The following SPAG16 variants were observed in gnomAD, a reference collection of about 807,000 sequenced individuals.
The protein encoded by SPAG16 is sperm-associated antigen 16 protein.
SPAG16 carries 86 observed loss-of-function variants against 80.4 expected under a neutral mutation model. That is an observed-to-expected ratio of 1.07 (90% CI 0.90 to 1.28). The LOEUF is 1.28. SPAG16 is among the 50% of genes most tolerant of loss of function. The pLI is 0.00. For synonymous variants in SPAG16, 294 were observed against 265.9 expected, an observed-to-expected ratio of 1.11 and a Z score of -1.03; for missense variants, 870 against 765.3, an observed-to-expected ratio of 1.14 and a Z score of -1.61.
chr2:213,490,059 AT>A lies in SPAG16; in HGVS notation c.1044del (p.Phe348LeufsTer8), dbSNP rs1198212557. ...PAKFDYKLKN[I>X]FRLHELPVSC... The stretch of plus-strand genomic sequence containing the variant: ...AAAATTTGACTACAAGCTGAAAAAC[AT>A]TTTTAGACTCCATGAACTTCCAGTG... On this transcript the variant is annotated frameshift_variant, in exon 10 of 16. Coordinates refer to ENST00000331683, the MANE Select transcript of SPAG16 (RefSeq NM_024532.5). LOFTEE classifies it high-confidence loss of function. 2 of 1,605,108 alleles carry A rather than the reference AT, an allele frequency of 1.2e-6. No homozygotes were observed. Among genetic ancestry groups the A allele is most frequent in the Admixed American group, 1.7e-5 (1 of 58,536 alleles).
chr2:213,559,826 G>A (rs922494428), intron 10 of SPAG16, among the ~76,000 whole-genome samples: 2 of 151,670 alleles, frequency 1.3e-5, no homozygotes, highest in Non-Finnish European at 2.9e-5. Context: ...TTCAACAAAG[G>A]TACACTTAAT....
intron 11 of SPAG16, among the ~76,000 whole-genome samples, chr2:213,866,267 A>G (rs1257946132): frequency 1.3e-5 from 2 of 152,088 alleles, no homozygotes; most frequent in African/African-American, 2.4e-5. Flanking sequence ...TTTAAACCTA[A>G]CGGATACAGT....
chr2:213,981,937 A>G (rs2045768098), intron 12 of SPAG16, among the ~76,000 whole-genome samples: 1 of 151,824 alleles, frequency 6.6e-6, no homozygotes, highest in Non-Finnish European at 1.5e-5. Context: ...CATTTCAAAA[A>G]CACTATACCT....
At chr2:213,782,976 C>G in intron 10 of SPAG16, among the ~76,000 whole-genome samples, 1 of 151,792 alleles carries the variant, frequency 6.6e-6, no homozygotes, top group Non-Finnish European at 1.5e-5. Flanking sequence ...ATACATGTGC[C>G]ATGCTGGTGC....
Position 214,273,558 on chromosome 2 carries a change from CCATTT to C in SPAG16, c.1720+124293_1720+124297del, listed in dbSNP as rs537980777. ...ATTTATTAAATAGTGAATCCTTTCC[CCATTT>C]ATTTCTTTTTTTTGTCAGGTTTGTC... On this transcript the variant is annotated intron_variant, in intron 15 of 15. Coordinates refer to ENST00000331683, the MANE Select transcript of SPAG16 (RefSeq NM_024532.5). Among the ~76,000 whole-genome samples the C allele has an allele frequency of 9.7e-3, 1,483 of 152,162 alleles. 25 individuals carry two copies. Among genetic ancestry groups the C allele is most frequent in the African/African-American group, 0.033 (1,387 of 41,514 alleles).
rs554659751 is a variant in SPAG16 at position 213,921,312 on chromosome 2, G to C, written c.1215-8648G>C. Among the ~76,000 whole-genome samples, 66 of 152,240 alleles carry C rather than the reference G, an allele frequency of 4.3e-4. 1 individual carries two copies. The highest frequency in any genetic ancestry group is 6.8e-3 in the Middle Eastern group (2 of 294). On this transcript the variant is annotated intron_variant, in intron 11 of 15. Transcript: ENST00000331683. ...TCTTTGTTGGTTTAAAGTCTGTTTT[G>C]TCTAAAACTAGGATTGCAACCCCTG...
chr2:213,561,658 A>T (rs745807021), intron 10 of SPAG16, among the ~76,000 whole-genome samples: 1 of 152,176 alleles, frequency 6.6e-6, no homozygotes, highest in Non-Finnish European at 1.5e-5. Flanking sequence ...CTACTCTTAA[A>T]TGTAATGTCT....
chr2:213,580,916 T>C (rs1281336918), intron 10 of SPAG16, among the ~76,000 whole-genome samples: 1 of 152,126 alleles, frequency 6.6e-6, no homozygotes, highest in Non-Finnish European at 1.5e-5. Flanking sequence ...TGTGTTTTTT[T>C]ACTATTTAGA....
chr2:213,844,443 A>C (rs2074512866), intron 10 of SPAG16, among the ~76,000 whole-genome samples: 3 of 152,208 alleles, frequency 2.0e-5, no homozygotes, highest in Admixed American at 1.3e-4. Context: ...ATGATTAGGG[A>C]ATTTCTAACA....
intron 12 of SPAG16, among the ~76,000 whole-genome samples, chr2:214,012,273 TA>T (rs2047324457): frequency 4.3e-5 from 2 of 46,446 alleles, no homozygotes; most frequent in African/African-American, 8.1e-5. Context: ...TATATATATA[TA>T]TATATATATA....
intron 2 of SPAG16, 109 bp from the exon 3 acceptor site, chr2:213,297,153 A>C (rs1442756259): frequency 1.3e-6 from 2 of 1,482,680 alleles, no homozygotes; most frequent in Non-Finnish European, 1.8e-6. Flanking sequence ...TTTTACATAA[A>C]GTATTTCTTT....
intron 11 of SPAG16, among the ~76,000 whole-genome samples, chr2:213,893,869 G>A (rs1459017102): frequency 6.6e-6 from 1 of 151,950 alleles, no homozygotes; most frequent in Non-Finnish European, 1.5e-5. Context: ...TAAAAAACAA[G>A]CAACGAAATG....
At chr2:213,896,580 A>ATT (rs1308006468) in intron 11 of SPAG16, among the ~76,000 whole-genome samples, 2 of 76,608 alleles carry the variant, frequency 2.6e-5, no homozygotes, top group South Asian at 9.0e-4. Context: ...TGTGATATAT[A>ATT]CACACACACA....
At chr2:214,271,867 A>T (rs1692050940) in intron 15 of SPAG16, among the ~76,000 whole-genome samples, 1 of 146,258 alleles carries the variant, frequency 6.8e-6, no homozygotes, top group African/African-American at 2.4e-5. Context: ...AAAAAGAAAG[A>T]AAAAAGGAAG....
chr2:214,129,295 T>C (rs1262368283), intron 14 of SPAG16, among the ~76,000 whole-genome samples: 1 of 152,186 alleles, frequency 6.6e-6, no homozygotes, highest in Non-Finnish European at 1.5e-5. Context: ...TGTCCTTGTG[T>C]TATGGGATAG....
intron 9 of SPAG16, among the ~76,000 whole-genome samples, chr2:213,412,698 C>T (rs553406080): frequency 2.6e-5 from 4 of 151,712 alleles, no homozygotes; most frequent in South Asian, 2.1e-4. Context: ...TTTGGAGAAG[C>T]GCTAAAGGCT....
chr2:214,347,709 T>G (rs749990245), intron 15 of SPAG16, among the ~76,000 whole-genome samples: 1 of 152,214 alleles, frequency 6.6e-6, no homozygotes, highest in Non-Finnish European at 1.5e-5. Flanking sequence ...TGAGTGAACT[T>G]TTTGTCTAAT....
intron 15 of SPAG16, among the ~76,000 whole-genome samples, chr2:214,325,798 T>C (rs916077427): frequency 1.3e-5 from 2 of 152,190 alleles, no homozygotes; most frequent in East Asian, 1.9e-4. Context: ...TTTTCACTGG[T>C]TAGCATACTG....
intron 9 of SPAG16, among the ~76,000 whole-genome samples, chr2:213,402,965 A>G (rs1325583002): frequency 6.6e-6 from 1 of 152,068 alleles, no homozygotes; most frequent in Non-Finnish European, 1.5e-5. Context: ...GCTGGGTCAA[A>G]TGGTATTTCT....
Sources: gnomAD v4.1 joint callset for allele counts (sites outside exome capture counted in the v4.1 genomes callset) on GRCh38, gnomAD v4.1.1 for gene constraint, MANE v1.5 for transcripts, NCBI Gene and HGNC (gene_info 2026-07-23, HGNC 2026-07-21) for gene names.